LRRC4C: variants seen among roughly 807,000 people sequenced by gnomAD.
The protein encoded by LRRC4C is leucine rich repeat containing 4C.
A neutral mutation model predicts 33.6 loss-of-function variants in LRRC4C; 5 were observed. The ratio of observed to expected loss-of-function variants is 0.15; its 90% CI spans 0.08 to 0.31. The LOEUF is 0.31. Among genes scored for constraint, LRRC4C ranks in the 10% least tolerant of loss-of-function variants. The pLI is 1.00. For synonymous variants in LRRC4C, 329 were observed against 302.0 expected (o/e 1.09, Z -0.93); for missense variants, 560 against 796.7 (o/e 0.70, Z 3.58).
intron 1 of LRRC4C, among the ~76,000 whole-genome samples, chr11:41,316,727 A>G (rs892357960): frequency 2.0e-5 from 3 of 152,218 alleles, no homozygotes; most frequent in African/African-American, 7.2e-5. Flanking sequence ...AAGAAAAGCT[A>G]TTGCTAATTC....
intron 1 of LRRC4C, among the ~76,000 whole-genome samples, chr11:41,287,539 C>T (rs1949866349): frequency 6.6e-6 from 1 of 152,110 alleles, no homozygotes; most frequent in South Asian, 2.1e-4. Flanking sequence ...TTTTCTTTTT[C>T]AGTAGAAAAC....
intron 6 of LRRC4C, among the ~76,000 whole-genome samples, chr11:40,121,196 T>G (rs1855801060): frequency 6.6e-6 from 1 of 152,230 alleles, no homozygotes; most frequent in Non-Finnish European, 1.5e-5. Flanking sequence ...ATATTGCTAT[T>G]ACTTAAAAGG....
intron 3 of LRRC4C, among the ~76,000 whole-genome samples, chr11:40,405,047 A>G (rs1949908929): frequency 6.6e-6 from 1 of 151,458 alleles, no homozygotes; most frequent in South Asian, 2.1e-4. Context: ...TGTTCATCCT[A>G]CTTATTTGTT....
At chr11:40,902,166 C>G (rs192637688) in intron 2 of LRRC4C, among the ~76,000 whole-genome samples, 8 of 152,120 alleles carry the variant, frequency 5.3e-5, no homozygotes, top group African/African-American at 1.4e-4. Flanking sequence ...GTTTTTCCAA[C>G]AGCATGTCTT....
intron 2 of LRRC4C, among the ~76,000 whole-genome samples, chr11:40,659,142 G>T (rs1017887274): frequency 1.7e-4 from 26 of 152,308 alleles, no homozygotes; most frequent in Middle Eastern, 3.4e-3. Flanking sequence ...CCCTGTTCCT[G>T]GCACCCACTC....
At chr11:40,496,491 C>T (rs751407927) in intron 3 of LRRC4C, among the ~76,000 whole-genome samples, 1 of 151,988 alleles carries the variant, frequency 6.6e-6, no homozygotes, top group Non-Finnish European at 1.5e-5. Context: ...ATAGGAAAAC[C>T]TATTTCATAT....
intron 1 of LRRC4C, among the ~76,000 whole-genome samples, chr11:41,350,524 A>G (rs986886671): frequency 1.1e-4 from 17 of 151,672 alleles, no homozygotes; most frequent in South Asian, 2.1e-4. Context: ...AAAAAAAAAA[A>G]AAAGAAAGAA....
chr11:41,128,002 T>G (rs1053820644), intron 1 of LRRC4C, among the ~76,000 whole-genome samples: 1 of 152,110 alleles, frequency 6.6e-6, no homozygotes, highest in Non-Finnish European at 1.5e-5. Context: ...TCTCTTACCC[T>G]TCCTCTTTAA....
intron 3 of LRRC4C, among the ~76,000 whole-genome samples, chr11:40,372,241 T>C (rs1220333032): frequency 6.6e-5 from 10 of 152,132 alleles, no homozygotes; most frequent in Non-Finnish European, 1.5e-4. Context: ...AGGATAATGG[T>C]GAAGGAAGAA....
At chr11:40,322,998 T>A (rs550846739) in intron 3 of LRRC4C, among the ~76,000 whole-genome samples, 1 of 152,348 alleles carries the variant, frequency 6.6e-6, no homozygotes, top group East Asian at 1.9e-4. Context: ...ACCAGCATTG[T>A]CATGGTAACT....
intron 3 of LRRC4C, among the ~76,000 whole-genome samples, chr11:40,620,095 C>T (rs1001957718): frequency 6.7e-6 from 1 of 148,392 alleles, no homozygotes; most frequent in Non-Finnish European, 1.5e-5. Flanking sequence ...GAGCTGAGAG[C>T]TGAGCTGATT....
At chr11:40,802,597 C>T (rs1252021593) in intron 2 of LRRC4C, among the ~76,000 whole-genome samples, 9 of 151,800 alleles carry the variant, frequency 5.9e-5, no homozygotes, top group Non-Finnish European at 1.5e-5. Flanking sequence ...TAATGTGTAC[C>T]AGGAACTTTC....
At chr11:40,778,257 G>A (rs1327876955) in intron 2 of LRRC4C, among the ~76,000 whole-genome samples, 2 of 152,138 alleles carry the variant, frequency 1.3e-5, no homozygotes, top group Admixed American at 6.5e-5. Context: ...TGGTGATAGT[G>A]AATTCCCTTA....
At chr11:40,853,051 G>A (rs761463393) in intron 2 of LRRC4C, among the ~76,000 whole-genome samples, 4 of 152,158 alleles carry the variant, frequency 2.6e-5, no homozygotes, top group Non-Finnish European at 4.4e-5. Flanking sequence ...CCATAAGATT[G>A]TAATGGAGCT....
intron 2 of LRRC4C, among the ~76,000 whole-genome samples, chr11:40,830,293 G>A (rs920293369): frequency 6.6e-6 from 1 of 152,086 alleles, no homozygotes; most frequent in Non-Finnish European, 1.5e-5. Flanking sequence ...CCACTTCTTT[G>A]TTAATACATG....
intron 4 of LRRC4C, among the ~76,000 whole-genome samples, chr11:40,311,775 T>C (rs1304678364): frequency 6.6e-6 from 1 of 151,892 alleles, no homozygotes; most frequent in Non-Finnish European, 1.5e-5. Flanking sequence ...TGAAACCCTG[T>C]CTCTACTGAA....
chr11:40,502,765 C>T (rs1330346348), intron 3 of LRRC4C, among the ~76,000 whole-genome samples: 1 of 152,112 alleles, frequency 6.6e-6, no homozygotes, highest in Non-Finnish European at 1.5e-5. Flanking sequence ...GTTTTATGAT[C>T]TATGACATCT....
In LRRC4C at chr11:41,305,283, G is replaced by C. The variant is rs1418606922; in HGVS notation, c.-496+154148C>G. Among the ~76,000 whole-genome samples, 2 of 38,540 alleles carry C rather than the reference G, an allele frequency of 5.2e-5. 1 individual carries two copies. Among genetic ancestry groups the C allele is most frequent in the Non-Finnish European group, 1.4e-4 (2 of 14,774 alleles). The allele number at this position is 38,540 out of a possible 152,430, so 25.3% of individuals were successfully genotyped here. A position where few individuals can be genotyped will look rare whatever the true frequency, so the allele number is the denominator to read the frequency against. On this transcript the variant is annotated intron_variant, in intron 1 of 6. Coordinates refer to ENST00000528697, the MANE Select transcript of LRRC4C (RefSeq NM_001258419.2). ...CCCTCTCCGGGAGGGAGGTGGGGGA[G>C]GGTCAGCCCCCCTGCCCGGCCAGCC...
chr11:41,093,976 G>A (rs2135562767), intron 1 of LRRC4C, among the ~76,000 whole-genome samples: 1 of 150,474 alleles, frequency 6.6e-6, no homozygotes, highest in East Asian at 2.0e-4. Flanking sequence ...AGGTGTAGTG[G>A]CATGTGCCTG....
Sources: allele counts gnomAD v4.1 joint callset (sites outside exome capture counted in the v4.1 genomes callset), GRCh38; gene constraint gnomAD v4.1.1; transcripts MANE v1.5; gene names NCBI Gene and HGNC (gene_info 2026-07-23, HGNC 2026-07-21).